DAP: variants seen among roughly 807,000 people sequenced by gnomAD.
DAP encodes the protein death-associated protein 1.
A neutral mutation model predicts 13.8 loss-of-function variants in DAP; 8 were observed. The observed-to-expected ratio is 0.58, with a 90% CI of 0.34 to 1.05. The LOEUF (loss-of-function observed/expected upper bound fraction) is 1.05. Ranked by LOEUF, DAP falls within the 50% of genes least tolerant of loss-of-function variation. The probability of loss-of-function intolerance (pLI) is 0.03; values close to 1 mark genes in which losing one functional copy is unlikely to be tolerated. For synonymous variants in DAP, 47 were observed against 47.5 expected, an observed-to-expected ratio of 0.99 and a Z score of 0.04; for missense variants, 106 against 133.2, an observed-to-expected ratio of 0.80 and a Z score of 1.01.
chr5:10,717,641 G>A (rs542660697), intron 2 of DAP, among the ~76,000 whole-genome samples: 2 of 152,296 alleles, frequency 1.3e-5, no homozygotes, highest in African/African-American at 4.8e-5. Flanking sequence ...GCAAGATAAT[G>A]TTGATTCTCC....
At chr5:10,733,763 GA>G (rs1196580667) in intron 2 of DAP, 1 of 152,154 alleles carries the variant, frequency 6.6e-6, no homozygotes, top group African/African-American at 2.4e-5. Context: ...TCACCAACTG[GA>G]AAATAAGAAG....
At chr5:10,686,796 G>C (rs1738167384) in intron 2 of DAP, among the ~76,000 whole-genome samples, 1 of 152,236 alleles carries the variant, frequency 6.6e-6, no homozygotes, top group African/African-American at 2.4e-5. Context: ...AGAAGATCTA[G>C]CTAAGATCAT....
At chr5:10,754,869 G>A (rs1740140873) in intron 1 of DAP, among the ~76,000 whole-genome samples, 1 of 152,202 alleles carries the variant, frequency 6.6e-6, no homozygotes, top group Non-Finnish European at 1.5e-5. Context: ...CTGCCCAATA[G>A]TATGGGGAAA....
intron 2 of DAP, among the ~76,000 whole-genome samples, chr5:10,701,922 G>A (rs2918394): frequency 0.078 from 11,847 of 152,178 alleles, 526 homozygotes; most frequent in African/African-American, 0.11. Flanking sequence ...AGAAATGCTC[G>A]GATTGCCTGT....
intron 3 of DAP, 120 bp downstream of exon 3, chr5:10,683,409 A>G (rs1261769110): frequency 2.0e-6 from 2 of 977,554 alleles, no homozygotes; most frequent in African/African-American, 3.2e-5. Context: ...ATGGCCACAG[A>G]GGAGATGAGC....
At chr5:10,747,398 C>A (rs1262512976) in intron 2 of DAP, among the ~76,000 whole-genome samples, 1 of 152,190 alleles carries the variant, frequency 6.6e-6, no homozygotes, top group African/African-American at 2.4e-5. Flanking sequence ...GTGCAGGCCC[C>A]AGGAGGGTTG....
intron 1 of DAP, among the ~76,000 whole-genome samples, chr5:10,757,257 A>G (rs1740212609): frequency 6.6e-6 from 1 of 151,036 alleles, no homozygotes; most frequent in African/African-American, 2.4e-5. Flanking sequence ...TTGGCAACAG[A>G]CACTCCAAAC....
intron 2 of DAP, among the ~76,000 whole-genome samples, chr5:10,740,350 G>A (rs1739725537): frequency 6.6e-6 from 1 of 152,126 alleles, no homozygotes; most frequent in Non-Finnish European, 1.5e-5. Flanking sequence ...AAAAAAAGAA[G>A]AGAAAAATGA....
At chr5:10,732,198 G>A (rs768109574) in intron 2 of DAP, among the ~76,000 whole-genome samples, 1 of 152,204 alleles carries the variant, frequency 6.6e-6, no homozygotes, top group Non-Finnish European at 1.5e-5. Context: ...AACATTCATA[G>A]AACATAAAAT....
chr5:10,754,073 T>C (rs1428524841), intron 1 of DAP, among the ~76,000 whole-genome samples: 1 of 152,104 alleles, frequency 6.6e-6, no homozygotes, highest in Non-Finnish European at 1.5e-5. Context: ...TGGCCTATCT[T>C]AGTTAAGAAA....
intron 1 of DAP, among the ~76,000 whole-genome samples, chr5:10,757,060 T>C (rs1740205446): frequency 6.6e-6 from 1 of 152,148 alleles, no homozygotes; most frequent in Admixed American, 6.5e-5. Flanking sequence ...CACTTGTAAA[T>C]AACAATACCT....
At chr5:10,754,328 T>C (rs751007138) in intron 1 of DAP, among the ~76,000 whole-genome samples, 6 of 152,022 alleles carry the variant, frequency 3.9e-5, no homozygotes, top group African/African-American at 1.2e-4. Context: ...CAGGTGTGCA[T>C]AGATAAGGTA....
intron 2 of DAP, among the ~76,000 whole-genome samples, chr5:10,730,775 A>C (rs567438789): frequency 0.021 from 951 of 45,808 alleles, 25 homozygotes; most frequent in African/African-American, 0.071. Context: ...GAGCCCTGGT[A>C]GGGGGAATCC....
intron 2 of DAP, among the ~76,000 whole-genome samples, chr5:10,693,241 A>G (rs1385380556): frequency 6.6e-6 from 1 of 152,162 alleles, no homozygotes; most frequent in Non-Finnish European, 1.5e-5. Context: ...ATTACTGGAG[A>G]GTTGTACGTA....
chr5:10,713,171 C>A (rs538486872), intron 2 of DAP, among the ~76,000 whole-genome samples: 1 of 152,256 alleles, frequency 6.6e-6, no homozygotes, highest in South Asian at 2.1e-4. Context: ...GCTCCATAAT[C>A]GATTCCTAGG....
intron 2 of DAP, among the ~76,000 whole-genome samples, chr5:10,739,462 A>G (rs1030511739): frequency 2.6e-4 from 40 of 152,194 alleles, no homozygotes; most frequent in African/African-American, 8.4e-4. Context: ...TTGACCAGTG[A>G]ATTATAATCA....
At chr5:10,749,038 C>T (rs780419731) in intron 1 of DAP, among the ~76,000 whole-genome samples, 16 of 152,174 alleles carry the variant, frequency 1.1e-4, no homozygotes, top group South Asian at 2.1e-4. Context: ...TTGCTTATTT[C>T]GGACATGTGA....
chr5:10,703,365 CT>C (rs1738625839), intron 2 of DAP, among the ~76,000 whole-genome samples: 1 of 152,164 alleles, frequency 6.6e-6, no homozygotes, highest in African/African-American at 2.4e-5. Flanking sequence ...GCCTGGCTGG[CT>C]GTGGGCTTCT....
intron 2 of DAP, among the ~76,000 whole-genome samples, chr5:10,719,044 G>A (rs913363986): frequency 2.6e-5 from 4 of 152,172 alleles, no homozygotes; most frequent in Admixed American, 6.5e-5. Context: ...AAATCAATCC[G>A]ACTAAAATTC....
Sources: allele counts gnomAD v4.1 joint callset (sites outside exome capture counted in the v4.1 genomes callset), GRCh38; gene constraint gnomAD v4.1.1; transcripts MANE v1.5; gene names NCBI Gene and HGNC (gene_info 2026-07-23, HGNC 2026-07-21).